Variants in SORBS2 observed in about 807,000 individuals in gnomAD.
SORBS2 encodes sorbin and SH3 domain containing 2, also known as sorbin and SH3 domain-containing protein 2.
SORBS2 carries 46 observed loss-of-function variants against 97.7 expected under a neutral mutation model. The observed-to-expected ratio is 0.47, with a 90% CI of 0.37 to 0.60. SORBS2 has a LOEUF of 0.60. Among genes scored for constraint, SORBS2 ranks in the 20% least tolerant of loss-of-function variants. SORBS2 has a pLI of 0.00. For missense variants in SORBS2, 1,316 were observed against 1,282.3 expected, an observed-to-expected ratio of 1.03 and a Z score of -0.40; for synonymous variants, 476 against 473.4, an observed-to-expected ratio of 1.01 and a Z score of -0.07.
intron 12 of SORBS2, among the ~76,000 whole-genome samples, chr4:185,602,873 A>C (rs1580709217): frequency 6.6e-6 from 1 of 152,232 alleles, no homozygotes; most frequent in African/African-American, 2.4e-5. Flanking sequence ...CAATGACTAC[A>C]AAATAGATTT....
At chr4:185,869,361 T>C (rs1312139663) in intron 1 of SORBS2, among the ~76,000 whole-genome samples, 1 of 152,234 alleles carries the variant, frequency 6.6e-6, no homozygotes, top group Non-Finnish European at 1.5e-5. Context: ...GGTTTATTTT[T>C]TTCTACTGAA....
intron 1 of SORBS2, among the ~76,000 whole-genome samples, chr4:185,807,408 T>C (rs1187295448): frequency 6.6e-6 from 1 of 152,238 alleles, no homozygotes; most frequent in African/African-American, 2.4e-5. Context: ...GCTGAATTTA[T>C]GTCTACCTCA....
chr4:185,834,578 C>G lies in SORBS2; in HGVS notation c.-337-59212G>C, dbSNP rs960603380. Among the ~76,000 whole-genome samples, 4 of 151,902 alleles carry G rather than the reference C, an allele frequency of 2.6e-5. No individual in the cohort carries two copies. In the East Asian group the frequency reaches 7.7e-4, roughly 29 times the overall value. ...GCTCCACGTATACCCTTCTACCAGC[C>G]GTATAGAGGAGCAACTAGATCATGA... On this transcript the variant is annotated intron_variant, in intron 1 of 20. Transcript: ENST00000284776.
At chr4:185,922,180 A>T (rs757067318) in intron 1 of SORBS2, among the ~76,000 whole-genome samples, 1 of 152,228 alleles carries the variant, frequency 6.6e-6, no homozygotes, top group African/African-American at 2.4e-5. Context: ...CGTGGTTAGC[A>T]TAACTATGTG....
In SORBS2 at chr4:185,770,142, G is replaced by C. The variant is rs532810715; in HGVS notation, c.-198+5085C>G. Reference sequence around the variant, plus strand: ...CACCCAGGCTAGAGTGCAGTGGCACGATCTCGGCTCACTGCAACCTCCGCC... The same window carrying C: ...CACCCAGGCTAGAGTGCAGTGGCACCATCTCGGCTCACTGCAACCTCCGCC... On this transcript the variant is annotated intron_variant, in intron 2 of 20. Coordinates refer to the SORBS2 transcript ENST00000284776. Among the ~76,000 whole-genome samples the C allele has an allele frequency of 2.0e-5, 3 of 150,006 alleles. No individual in the cohort carries two copies. The East Asian group carries it at 5.9e-4, about 30-fold the overall frequency.
At chr4:185,692,706 C>G (rs1682539014) in intron 2 of SORBS2, among the ~76,000 whole-genome samples, 1 of 152,120 alleles carries the variant, frequency 6.6e-6, no homozygotes, top group Non-Finnish European at 1.5e-5. Flanking sequence ...TAAAAATACA[C>G]TTAAGTCCTA....
At chr4:185,860,841 G>A (rs2099223314) in intron 1 of SORBS2, among the ~76,000 whole-genome samples, 1 of 152,190 alleles carries the variant, frequency 6.6e-6, no homozygotes, top group African/African-American at 2.4e-5. Flanking sequence ...GGGTCTGGGT[G>A]AAGATAAGAG....
At chr4:185,854,366 T>C (rs2099219539) in intron 1 of SORBS2, among the ~76,000 whole-genome samples, 1 of 152,180 alleles carries the variant, frequency 6.6e-6, no homozygotes, top group Non-Finnish European at 1.5e-5. Flanking sequence ...ATCTTCTTCT[T>C]GAGGGGAAGT....
chr4:185,629,850 G>T (rs1427977995), intron 5 of SORBS2, among the ~76,000 whole-genome samples: 1 of 152,004 alleles, frequency 6.6e-6, no homozygotes, highest in Non-Finnish European at 1.5e-5. Flanking sequence ...ATGAGCCACC[G>T]TGCCTGGCCA....
intron 12 of SORBS2, among the ~76,000 whole-genome samples, chr4:185,608,857 G>A (rs1032068651): frequency 1.3e-5 from 2 of 152,184 alleles, no homozygotes; most frequent in Non-Finnish European, 2.9e-5. Flanking sequence ...CCAGCTGATT[G>A]TTTAGGATAA....
chr4:185,688,859 A>G (rs2098034212), intron 2 of SORBS2, among the ~76,000 whole-genome samples: 1 of 151,980 alleles, frequency 6.6e-6, no homozygotes, highest in Non-Finnish European at 1.5e-5. Flanking sequence ...AATTTTATGC[A>G]TATGTTTGAA....
chr4:185,697,006 T>A (rs1383879817), intron 2 of SORBS2, among the ~76,000 whole-genome samples: 1 of 152,174 alleles, frequency 6.6e-6, no homozygotes, highest in Non-Finnish European at 1.5e-5. Context: ...TTAATTAGAA[T>A]ATCCCTATAA....
intron 5 of SORBS2, among the ~76,000 whole-genome samples, chr4:185,630,185 A>G (rs2096883785): frequency 6.6e-6 from 1 of 152,162 alleles, no homozygotes; most frequent in Non-Finnish European, 1.5e-5. Context: ...AAATACGTGT[A>G]TAACACTTTT....
At chr4:185,769,040 A>G (rs1324330361) in intron 2 of SORBS2, among the ~76,000 whole-genome samples, 1 of 152,206 alleles carries the variant, frequency 6.6e-6, no homozygotes, top group African/African-American at 2.4e-5. Flanking sequence ...GGACTAGGAC[A>G]TGAAATGTAC....
intron 4 of SORBS2, chr4:185,676,944 G>A (rs941316227): frequency 2.8e-6 from 4 of 1,438,256 alleles, no homozygotes; most frequent in Non-Finnish European, 2.8e-6. Context: ...AAGGAGTTAG[G>A]GTCTCTACGA....
chr4:185,939,751 C>G (rs1263236680), intron 1 of SORBS2, among the ~76,000 whole-genome samples: 1 of 152,112 alleles, frequency 6.6e-6, no homozygotes, highest in Non-Finnish European at 1.5e-5. Context: ...CTCACGTGAT[C>G]TGCCCGCCTC....
At chr4:185,936,191 A>G (rs1227649737) in intron 1 of SORBS2, among the ~76,000 whole-genome samples, 3 of 152,208 alleles carry the variant, frequency 2.0e-5, no homozygotes, top group Non-Finnish European at 2.9e-5. Context: ...GACACGTGCT[A>G]TTCAAACTTA....
At chr4:185,906,103 A>G (rs10012858) in intron 1 of SORBS2, among the ~76,000 whole-genome samples, 99,451 of 151,902 alleles carry the variant, frequency 0.65, 32,815 homozygotes, top group Middle Eastern at 0.77. Flanking sequence ...GCACAATCTC[A>G]GCTCACTGCA....
chr4:185,669,716 C>T (rs1166355438), intron 4 of SORBS2, among the ~76,000 whole-genome samples: 4 of 152,020 alleles, frequency 2.6e-5, no homozygotes, highest in Non-Finnish European at 5.9e-5. Context: ...ACAAAAATGT[C>T]GAAAATATAA....
Sources: allele counts gnomAD v4.1 joint callset (sites outside exome capture counted in the v4.1 genomes callset), GRCh38; gene constraint gnomAD v4.1.1; transcripts MANE v1.5; gene names NCBI Gene and HGNC (gene_info 2026-07-23, HGNC 2026-07-21).